ABLIM2: variants seen among roughly 807,000 people sequenced by gnomAD.
The protein encoded by ABLIM2 is actin binding LIM protein family member 2.
In ABLIM2, 53 loss-of-function variants were observed where a neutral mutation model predicts 97.7. That is an observed-to-expected ratio of 0.54 (90% CI 0.44 to 0.68). ABLIM2 has a LOEUF of 0.68. Ranked by LOEUF, ABLIM2 falls within the 30% of genes least tolerant of loss-of-function variation. The pLI, the probability that ABLIM2 is intolerant of heterozygous loss-of-function variation, is 0.00. For synonymous variants in ABLIM2, 361 were observed against 345.8 expected (o/e 1.04, Z -0.49); for missense variants, 835 against 867.2 (o/e 0.96, Z 0.47).
At chr4:8,039,407 C>G (rs570247543) in intron 9 of ABLIM2, among the ~76,000 whole-genome samples, 1 of 152,182 alleles carries the variant, frequency 6.6e-6, no homozygotes, top group African/African-American at 2.4e-5. Flanking sequence ...GAGAGGGCAG[C>G]CTGCACGATG....
intron 9 of ABLIM2, among the ~76,000 whole-genome samples, chr4:8,038,817 C>A (rs1380403909): frequency 6.6e-6 from 1 of 152,150 alleles, no homozygotes; most frequent in Non-Finnish European, 1.5e-5. Flanking sequence ...CAGCAGCTCC[C>A]CTCTGCCTTC....
intron 6 of ABLIM2, among the ~76,000 whole-genome samples, chr4:8,064,618 C>T (rs1281884447): frequency 6.6e-6 from 1 of 152,196 alleles, no homozygotes; most frequent in Non-Finnish European, 1.5e-5. Context: ...CTAACACACG[C>T]CGCACCCTCG....
rs1170206663 is a variant in ABLIM2 at position 8,130,168 on chromosome 4, T to A, written c.11-23531A>T. 6.6e-6 allele frequency among the ~76,000 whole-genome samples: 1 copy of A among 151,872 alleles called. No individual in the cohort carries two copies. The highest frequency in any genetic ancestry group is 1.5e-5 in the Non-Finnish European group (1 of 67,960). On this transcript the variant is annotated intron_variant, in intron 1 of 20. Transcript: ENST00000447017. This position sits in a 1 kb window ranked among gnomAD's most constrained non-coding sequence, Gnocchi z 4.2. ...TCAGCCTGGAAGGGGAACACTCAAG[T>A]CTTGAAGGAACTCAGCCAGCAGGTA...
chr4:8,106,559 A>T lies in ABLIM2; in HGVS notation c.89T>A (p.Val30Glu). 1 of 1,609,502 alleles carries T rather than the reference A, an allele frequency of 6.2e-7. No homozygotes were observed. The highest frequency in any genetic ancestry group is 8.5e-7 in the Non-Finnish European group (1 of 1,178,298). Reference protein sequence around the residue: ...TAILCNTCGNVCKGEVLRVQD... With the variant: ...TAILCNTCGNECKGEVLRVQD... ...CACCCGCAGCACCTCGCCCTTGCACACATTCCCACACGTGTTGCACAGGAT... is the reference window on the plus strand; with the variant it reads ...CACCCGCAGCACCTCGCCCTTGCACTCATTCCCACACGTGTTGCACAGGAT... Residue 30 changes from valine (V) to glutamate (E), a missense_variant, in exon 2 of 21, where the codon GTG becomes GAG. Val to Glu is a moderately radical substitution (Grantham distance 121, BLOSUM62 -2). Coordinates refer to ENST00000447017, the MANE Select transcript of ABLIM2 (RefSeq NM_001130083.2).
Position 8,158,720 on chromosome 4 carries a change from G to C in ABLIM2, c.-31C>G. 7.0e-7 allele frequency: 1 copy of C among 1,435,574 alleles called. No homozygotes were observed. The highest frequency in any genetic ancestry group is 1.4e-5 in the South Asian group (1 of 72,498). 88.9% of individuals were successfully genotyped at this position (1,435,574 alleles called of 1,614,324 possible). On this transcript the variant is annotated 5_prime_UTR_variant, in exon 1 of 21. Transcript: ENST00000447017. ...CAGCCGCTCGGAGTCGGGGCGGCCC[G>C]GCGCTGCGACAGCCAGACCCTCGGG...
In ABLIM2 at chr4:8,088,169, T is replaced by C. The variant is rs201398067; in HGVS notation, c.454A>G (p.Ser152Gly). Residue 152 changes from serine to glycine, a missense_variant and splice_region_variant, in exon 4 of 21, where the codon AGT becomes GGT. Physicochemically the swap from Ser to Gly is moderately conservative, Grantham distance 56 (BLOSUM62 0). Coordinates refer to ENST00000447017, the MANE Select transcript of ABLIM2 (RefSeq NM_001130083.2). ...SSAHLSQGLR[S>G]CGGCGTEIKN... Reference sequence around the variant, plus strand: ...ATGCCCCCACTCAGCGCCCACTTACTTCGGAGGCCCTGGGACAGGTGCGCG... The same window carrying C: ...ATGCCCCCACTCAGCGCCCACTTACCTCGGAGGCCCTGGGACAGGTGCGCG... 8.6e-5 allele frequency: 127 copies of C among 1,482,060 alleles called. No homozygotes were observed. The African/African-American group carries it at 1.6e-3, about 19-fold the overall frequency. 91.8% of individuals were successfully genotyped at this position (1,482,060 alleles called of 1,614,324 possible).
chr4:8,033,036 G>T lies in ABLIM2; in HGVS notation c.1047+3113C>A, dbSNP rs976021202. 6.6e-6 allele frequency among the ~76,000 whole-genome samples: 1 copy of T among 152,182 alleles called. No individual in the cohort carries two copies. The highest frequency in any genetic ancestry group is 1.5e-5 in the Non-Finnish European group (1 of 68,042). ...GGGCACAGGCAGCAACATCCTGAGG[G>T]CCCATCACCTCGGTTTTCTCTGGAC... On this transcript the variant is annotated intron_variant, in intron 10 of 20. Coordinates refer to ENST00000447017, the MANE Select transcript of ABLIM2 (RefSeq NM_001130083.2). The surrounding 1 kb of genome is among the most constrained non-coding windows in gnomAD (Gnocchi z 4.5).
At chr4:8,097,572 C>T (rs1832343973) in intron 2 of ABLIM2, among the ~76,000 whole-genome samples, 1 of 152,198 alleles carries the variant, frequency 6.6e-6, no homozygotes, top group African/African-American at 2.4e-5. Flanking sequence ...AGCCTCCCAC[C>T]CTCGCTAGAG....
intron 16 of ABLIM2, among the ~76,000 whole-genome samples, chr4:8,006,276 A>AC (rs1761244440): frequency 6.6e-6 from 1 of 151,524 alleles, no homozygotes; most frequent in East Asian, 1.9e-4. Context: ...CCCACACAGC[A>AC]CCCCCCTCTC....
In ABLIM2 at chr4:8,020,046, G is replaced by C. The variant is rs924684273; in HGVS notation, c.1369+156C>G. Among the ~76,000 whole-genome samples the C allele has an allele frequency of 4.1e-5, 5 of 123,386 alleles. No homozygotes were observed. The Admixed American group carries it at 4.4e-4, about 11-fold the overall frequency. The allele number at this position is 123,386 out of a possible 152,430, so 80.9% of individuals were successfully genotyped here. A position where few individuals can be genotyped will look rare whatever the true frequency, so the allele number is the denominator to read the frequency against. ...TGGGGTTGTGAAAACCCGTCTGATG[G>C]TTTTAAAGAAATCTCAGTGCCTGGG... On this transcript the variant is annotated intron_variant, in intron 13 of 20. Transcript: ENST00000447017.
intron 10 of ABLIM2, among the ~76,000 whole-genome samples, chr4:8,031,482 A>G (rs1001347631): frequency 5.9e-5 from 9 of 152,218 alleles, no homozygotes; most frequent in Non-Finnish European, 1.2e-4. Context: ...CTAGGGATAC[A>G]GCACCCAGGT....
rs1476912879 is a variant in ABLIM2, at chr4:8,043,624, G to C, written c.900+1540C>G. Among the ~76,000 whole-genome samples the C allele has an allele frequency of 6.6e-6, 1 of 152,122 alleles. No individual in the cohort carries two copies. Among genetic ancestry groups the C allele is most frequent in the Non-Finnish European group, 1.5e-5 (1 of 68,018 alleles). On this transcript the variant is annotated intron_variant, in intron 9 of 20. Coordinates refer to ENST00000447017, the MANE Select transcript of ABLIM2 (RefSeq NM_001130083.2). The surrounding 1 kb of genome is among the most constrained non-coding windows in gnomAD (Gnocchi z 4.8). ...ATGACCCGTGATGATGCAAGGAGAG[G>C]ACGGCCGCCTGCGGGCCAGGGATGG...
chr4:8,097,176 G>A lies in ABLIM2; in HGVS notation c.261C>T (p.Asp87=). ...RLYGTRCFSC[D]QFIEGEVVSA... Reference sequence around the variant, plus strand: ...ACACCACCTCACCCTCAATGAACTGGTCGCAGCTGAAGCAGCGGGTGCCGT... The same window carrying A: ...ACACCACCTCACCCTCAATGAACTGATCGCAGCTGAAGCAGCGGGTGCCGT... The change falls in exon 3 of 21, where the codon GAC becomes GAT. Residue 87 remains aspartate (D), a synonymous_variant. Transcript: ENST00000447017. 1 of 1,607,600 alleles carries A rather than the reference G, an allele frequency of 6.2e-7. No individual in the cohort carries two copies. Among genetic ancestry groups the A allele is most frequent in the Non-Finnish European group, 8.5e-7 (1 of 1,177,324 alleles).
intron 1 of ABLIM2, among the ~76,000 whole-genome samples, chr4:8,134,202 G>A (rs1468909400): frequency 1.3e-5 from 2 of 152,198 alleles, no homozygotes; most frequent in African/African-American, 2.4e-5. Flanking sequence ...GGGAAGCCTC[G>A]AAGGCCAGGA....
At position 8,128,629 on chromosome 4, in the gene ABLIM2, G is replaced by A. The variant is rs369476893; in HGVS notation, c.11-21992C>T. On this transcript the variant is annotated intron_variant, in intron 1 of 20. Transcript: ENST00000447017. The surrounding 1 kb of genome is among the most constrained non-coding windows in gnomAD (Gnocchi z 4.9). ...TGCCCTGGCTCTAAGGCAGGAAAGC[G>A]ATGAAGTCATTGTCTAGCCCAAGGC... Among the ~76,000 whole-genome samples the A allele has an allele frequency of 1.4e-4, 22 of 152,344 alleles. No homozygotes were observed. The highest frequency in any genetic ancestry group is 7.8e-4 in the Admixed American group (12 of 15,308).
At chr4:8,151,521 G>A (rs1249225896) in intron 1 of ABLIM2, among the ~76,000 whole-genome samples, 3 of 152,198 alleles carry the variant, frequency 2.0e-5, no homozygotes, top group Non-Finnish European at 4.4e-5. Flanking sequence ...TCAGCGTGAG[G>A]CCCAAGTACT....
At chr4:8,020,418 G>A (rs1214996566) in intron 12 of ABLIM2, 115 bp from the exon 13 acceptor site, 3 of 928,876 alleles carry the variant, frequency 3.2e-6, no homozygotes, top group Admixed American at 2.0e-5. Flanking sequence ...GTCTGGTGGA[G>A]CAGCCCAGAT....
At chr4:8,102,630 G>A (rs184465523) in intron 2 of ABLIM2, among the ~76,000 whole-genome samples, 30 of 152,292 alleles carry the variant, frequency 2.0e-4, no homozygotes, top group Middle Eastern at 3.4e-3. Flanking sequence ...GGTGGAATTC[G>A]AATGCCCAAG....
rs1760635140 is a variant in ABLIM2 at position 8,005,463 on chromosome 4, TG to T, written c.1618+2595del. 83 of 531,396 alleles carry T rather than the reference TG, an allele frequency of 1.6e-4. 2 individuals carry two copies. Among genetic ancestry groups the T allele is most frequent in the South Asian group, 1.2e-3 (83 of 71,520 alleles). 32.9% of individuals were successfully genotyped at this position (531,396 alleles called of 1,614,324 possible). ...GGTGGCGTGCCTTGCTGTGTGCAAATGCTTTGTTCAGTAAAAGCTGTGTGCA... is the reference window on the plus strand; with the variant it reads ...GGTGGCGTGCCTTGCTGTGTGCAAATCTTTGTTCAGTAAAAGCTGTGTGCA... On this transcript the variant is annotated intron_variant, in intron 16 of 20. Coordinates refer to ENST00000447017, the MANE Select transcript of ABLIM2 (RefSeq NM_001130083.2). The surrounding 1 kb of genome is among the most constrained non-coding windows in gnomAD (Gnocchi z 4.9).
Sources: gnomAD v4.1 joint callset for allele counts (sites outside exome capture counted in the v4.1 genomes callset) on GRCh38, gnomAD v4.1.1 for gene constraint, Gnocchi (gnomAD v3.1) non-coding constraint, MANE v1.5 for transcripts, NCBI Gene and HGNC (gene_info 2026-07-23, HGNC 2026-07-21) for gene names.